Variants in EMILIN2 observed in about 807,000 individuals in gnomAD.
EMILIN2 encodes the protein elastin microfibril interfacer 2.
A neutral mutation model predicts 87.1 loss-of-function variants in EMILIN2; 71 were observed. That is an observed-to-expected ratio of 0.82 (90% confidence interval 0.67 to 0.99). The LOEUF (loss-of-function observed/expected upper bound fraction) is 0.99. EMILIN2 is among the 50% of genes least tolerant of loss of function. EMILIN2 has a pLI of 0.00. For missense variants in EMILIN2, 1,407 were observed against 1,371.8 expected (o/e 1.03, Z -0.40); for synonymous variants, 581 against 563.4 (o/e 1.03, Z -0.44).
intron 7 of EMILIN2, among the ~76,000 whole-genome samples, chr18:2,910,662 C>A (rs1272009420): frequency 6.6e-6 from 1 of 152,118 alleles, no homozygotes; most frequent in African/African-American, 2.4e-5. Flanking sequence ...CAGTGGATTT[C>A]AGGGAGGCCT....
chr18:2,865,026 G>A (rs940662356), intron 2 of EMILIN2, among the ~76,000 whole-genome samples: 1 of 152,142 alleles, frequency 6.6e-6, no homozygotes, highest in Admixed American at 6.5e-5. Context: ...TGAGGCTTGT[G>A]CATTCGTCAC....
chr18:2,891,236 G>C lies in EMILIN2; in HGVS notation c.1109G>C (p.Gly370Ala). 6.2e-7 allele frequency: 1 copy of C among 1,614,202 alleles called. No homozygotes were observed. The highest frequency in any genetic ancestry group is 1.1e-5 in the South Asian group (1 of 91,086). ...TACCTGGGAGTGATAGAGCTCATAG[G>C]GGAGAAGGAAACAAGCCTGAGAAAA... ...SSYLGVIELI[G>A]EKETSLRKEI... The change falls in exon 4 of 8, where the codon GGG (glycine) becomes GCG (alanine). Residue 370 changes from glycine to alanine, a missense_variant. Physicochemically the swap from Gly to Ala is moderately conservative, Grantham distance 60. Coordinates refer to ENST00000254528, the MANE Select transcript of EMILIN2 (RefSeq NM_032048.3). This position sits in a 1 kb window ranked among gnomAD's most constrained non-coding sequence, Gnocchi z 4.6.
chr18:2,904,978 T>A lies in EMILIN2; in HGVS notation c.2360-1805T>A, dbSNP rs1386285479. 2.0e-5 allele frequency among the ~76,000 whole-genome samples: 3 copies of A among 152,200 alleles called. No individual in the cohort carries two copies. In the East Asian group the frequency reaches 5.8e-4, roughly 29 times the overall value. On this transcript the variant is annotated intron_variant, in intron 4 of 7. Transcript: ENST00000254528. ...AGACTTTCGCTTAGTGTTTTTAGAC[T>A]GGTATCTTACTCCTATCTTCCACTG...
At chr18:2,892,587 A>T in intron 4 of EMILIN2, 101 bp downstream of exon 4, 6 of 1,446,034 alleles carry the variant, frequency 4.1e-6, no homozygotes, top group Non-Finnish European at 5.5e-6. Flanking sequence ...TTGAAACTTC[A>T]TGAGGTAAAA....
At chr18:2,906,730 C>A in intron 4 of EMILIN2, 53 bp from the exon 5 acceptor site, 1 of 1,210,678 alleles carries the variant, frequency 8.3e-7, no homozygotes. Flanking sequence ...ACGGGGCAGT[C>A]AGGGCTGAGG....
intron 2 of EMILIN2, among the ~76,000 whole-genome samples, chr18:2,878,690 G>T (rs2076762009): frequency 6.6e-6 from 1 of 152,108 alleles, no homozygotes; most frequent in Non-Finnish European, 1.5e-5. Context: ...TTTGGGGCAG[G>T]CAGTTCTTCC....
rs372924807 is a variant in EMILIN2, at chr18:2,890,875, G to A, written c.748G>A (p.Gly250Ser). 6.2e-7 allele frequency: 1 copy of A among 1,613,674 alleles called. No individual in the cohort carries two copies. The highest frequency in any genetic ancestry group is 8.5e-7 in the Non-Finnish European group (1 of 1,180,028). Residue 250 changes from glycine to serine, a missense_variant, in exon 4 of 8, where the codon GGT becomes AGT. Transcript: ENST00000254528. The surrounding 1 kb of genome is among the most constrained non-coding windows in gnomAD (Gnocchi z 4.7). The stretch of plus-strand genomic sequence containing the variant: ...AGACACAGAAACGGGCCAGAGTCCT[G>A]GTGTCTTCAACACTAAGGAATCTGG... ...SGDTETGQSP[G>S]VFNTKESGMK...
chr18:2,876,682 C>T (rs535926012), intron 2 of EMILIN2, among the ~76,000 whole-genome samples: 10 of 150,582 alleles, frequency 6.6e-5, no homozygotes, highest in South Asian at 2.2e-4. Flanking sequence ...AGGAGAATGG[C>T]GTGAACCCGG....
chr18:2,892,146 G>A lies in EMILIN2; in HGVS notation c.2019G>A (p.Arg673=). The A allele has an allele frequency of 6.2e-7, 1 of 1,608,782 alleles. No homozygotes were observed. Among genetic ancestry groups the A allele is most frequent in the Non-Finnish European group, 8.5e-7 (1 of 1,176,332 alleles). ...ATTGCTGCAGTCAGCTGGAGGAGAG[G>A]TGGCAGAGGTTGCAGAGCCAGGTCA... ...VAHCCSQLEE[R]WQRLQSQVIS... is the part of the protein sequence containing the mutation. The change falls in exon 4 of 8, where the codon AGG becomes AGA. Residue 673 remains arginine, a synonymous_variant. Coordinates refer to ENST00000254528, the MANE Select transcript of EMILIN2 (RefSeq NM_032048.3).
chr18:2,893,251 G>C (rs912284469), intron 4 of EMILIN2, among the ~76,000 whole-genome samples: 4 of 152,146 alleles, frequency 2.6e-5, no homozygotes, highest in Admixed American at 2.6e-4. Context: ...GGGGCAGTGG[G>C]TGTTGTCCTC....
chr18:2,852,794 T>G (rs1389334814), intron 2 of EMILIN2, among the ~76,000 whole-genome samples: 2 of 152,174 alleles, frequency 1.3e-5, no homozygotes, highest in Non-Finnish European at 2.9e-5. Context: ...GCTGGGATTA[T>G]AGGCGTGAGC....
At chr18:2,911,631 G>A (rs2076941204) in intron 7 of EMILIN2, among the ~76,000 whole-genome samples, 1 of 152,188 alleles carries the variant, frequency 6.6e-6, no homozygotes, top group Non-Finnish European at 1.5e-5. Flanking sequence ...CTCCTGCCCT[G>A]CTCCCATCTG....
chr18:2,907,223 A>T, intron 5 of EMILIN2, 138 bp downstream of exon 5: 9 of 989,428 alleles, frequency 9.1e-6, no homozygotes, highest in Non-Finnish European at 1.0e-5. Flanking sequence ...CTTTGGAAGG[A>T]TGCCGAGGCC....
chr18:2,890,090 G>A lies in EMILIN2; in HGVS notation c.434-471G>A, dbSNP rs551309041. Reference sequence around the variant, plus strand: ...TGATATCACCATCCAACAGCTAATGGGTGGATCTTGCTAAAGTGGTTTCTT... The same window carrying A: ...TGATATCACCATCCAACAGCTAATGAGTGGATCTTGCTAAAGTGGTTTCTT... On this transcript the variant is annotated intron_variant, in intron 3 of 7. Coordinates refer to ENST00000254528, the MANE Select transcript of EMILIN2 (RefSeq NM_032048.3). This position sits in a 1 kb window ranked among gnomAD's most constrained non-coding sequence, Gnocchi z 4.7. 6.6e-6 allele frequency among the ~76,000 whole-genome samples: 1 copy of A among 152,246 alleles called. No homozygotes were observed. Among genetic ancestry groups the A allele is most frequent in the Admixed American group, 6.5e-5 (1 of 15,292 alleles).
Position 2,885,076 on chromosome 18 carries a change from G to C in EMILIN2, c.370G>C (p.Asp124His). 6.2e-7 allele frequency: 1 copy of C among 1,613,884 alleles called. No homozygotes were observed. Among genetic ancestry groups the C allele is most frequent in the Non-Finnish European group, 8.5e-7 (1 of 1,179,948 alleles). Residue 124 changes from aspartate to histidine, a missense_variant, in exon 3 of 8, where the codon GAC (aspartate) becomes CAC (histidine). Asp to His is a moderately conservative substitution (Grantham distance 81). Transcript: ENST00000254528. ...GGGAGATTGCCAAGAAGGTCCCAAA[G>C]ACCCCGTGAAGACCCTCCGCCCCAC... ...RGGDCQEGPK[D>H]PVKTLRPTPA...
chr18:2,853,708 C>T (rs1338388013), intron 2 of EMILIN2, among the ~76,000 whole-genome samples: 1 of 152,190 alleles, frequency 6.6e-6, no homozygotes, highest in African/African-American at 2.4e-5. Flanking sequence ...GCACTCCTCC[C>T]GCTCCACACC....
chr18:2,870,834 G>A (rs1415614869), intron 2 of EMILIN2, among the ~76,000 whole-genome samples: 1 of 152,210 alleles, frequency 6.6e-6, no homozygotes, highest in Non-Finnish European at 1.5e-5. Flanking sequence ...GGAAGGATCT[G>A]TTCCAGGCCT....
At position 2,885,000 on chromosome 18, in the gene EMILIN2, G is replaced by A. The variant is rs752041996; in HGVS notation, c.294G>A (p.Arg98=). Residue 98 remains arginine (R), a synonymous_variant, in exon 3 of 8, where the codon AGG becomes AGA. Transcript: ENST00000254528. ...RVNFRPRYVT[R]YKTVTQLEWR... ...ACTTCAGACCTAGATATGTCACTAG[G>A]TATAAGACAGTGACACAGTTGGAAT... is the stretch of plus-strand genomic sequence containing the variant. 1 of 1,613,140 alleles carries A rather than the reference G, an allele frequency of 6.2e-7. No individual in the cohort carries two copies. Among genetic ancestry groups the A allele is most frequent in the Middle Eastern group, 1.7e-4 (1 of 6,060 alleles).
chr18:2,896,627 A>G (rs1452060606), intron 4 of EMILIN2, among the ~76,000 whole-genome samples: 1 of 151,948 alleles, frequency 6.6e-6, no homozygotes, highest in Non-Finnish European at 1.5e-5. Flanking sequence ...GGCACGTGCC[A>G]TCGCACCCAG....
Sources: allele counts gnomAD v4.1 joint callset (sites outside exome capture counted in the v4.1 genomes callset), GRCh38; gene constraint gnomAD v4.1.1; non-coding constraint Gnocchi (gnomAD v3.1); transcripts MANE v1.5; gene names NCBI Gene and HGNC (gene_info 2026-07-23, HGNC 2026-07-21).